CXCL13: variants seen among roughly 807,000 people sequenced by gnomAD.
CXCL13 encodes C-X-C motif chemokine 13.
CXCL13 carries 7 observed loss-of-function variants against 12.2 expected under a neutral mutation model. That is an observed-to-expected ratio of 0.57 (90% CI 0.33 to 1.07). The LOEUF (loss-of-function observed/expected upper bound fraction) is 1.07. Ranked by LOEUF, CXCL13 falls within the 50% of genes least tolerant of loss-of-function variation. The pLI, the probability that CXCL13 is intolerant of heterozygous loss-of-function variation, is 0.04. For missense variants in CXCL13, 113 were observed against 127.4 expected (o/e 0.89, Z 0.55); for synonymous variants, 47 against 42.4 (o/e 1.11, Z -0.42).
intron 1 of CXCL13, among the ~76,000 whole-genome samples, chr4:77,580,737 C>T (rs3098857): frequency 0.22 from 19,986 of 92,294 alleles, 2,436 homozygotes; most frequent in South Asian, 0.31. Context: ...TCCCCCTCTC[C>T]TCCCCTGTCT....
chr4:77,564,593 C>T (rs534631704), intron 1 of CXCL13, among the ~76,000 whole-genome samples: 25 of 152,302 alleles, frequency 1.6e-4, no homozygotes, highest in African/African-American at 5.8e-4. Context: ...TGACAACAAC[C>T]CTTTAAGGCA....
chr4:77,547,874 T>C (rs1315630326), intron 1 of CXCL13, among the ~76,000 whole-genome samples: 1 of 152,016 alleles, frequency 6.6e-6, no homozygotes, highest in Non-Finnish European at 1.5e-5. Flanking sequence ...CTGGTACAGG[T>C]TTTTCCTTTC....
chr4:77,560,840 C>T (rs1725793951), intron 1 of CXCL13, among the ~76,000 whole-genome samples: 2 of 152,040 alleles, frequency 1.3e-5, no homozygotes, highest in Admixed American at 6.5e-5. Context: ...AGTGATATGC[C>T]CTTGGGCTCT....
intron 2 of CXCL13, among the ~76,000 whole-genome samples, chr4:77,609,592 G>T (rs150542044): frequency 0.014 from 2,172 of 152,280 alleles, 34 homozygotes; most frequent in Admixed American, 0.041. Flanking sequence ...ACAGGCATGA[G>T]CTACCATGCT....
At chr4:77,511,993 C>A (rs952607993) in intron 1 of CXCL13, among the ~76,000 whole-genome samples, 1 of 152,164 alleles carries the variant, frequency 6.6e-6, no homozygotes, top group African/African-American at 2.4e-5. Context: ...AGCACTGTGC[C>A]ATGGAGCACC....
In CXCL13 at chr4:77,578,914, A is replaced by G. The variant is rs58640391; in HGVS notation, c.-42-26910A>G. ...CTCTCCTGCAACTGAATATGGCTTGATAACTACATCTGGCCAGTAAGATGT... is the reference window on the plus strand; with the variant it reads ...CTCTCCTGCAACTGAATATGGCTTGGTAACTACATCTGGCCAGTAAGATGT... On this transcript the variant is annotated intron_variant, in intron 1 of 4. Transcript: ENST00000286758. 8.5e-3 allele frequency among the ~76,000 whole-genome samples: 1,298 copies of G among 152,328 alleles called. 11 individuals are homozygous for G. The highest frequency in any genetic ancestry group is 0.029 in the African/African-American group (1,224 of 41,572).
chr4:77,599,104 C>T (rs547220696), intron 1 of CXCL13, among the ~76,000 whole-genome samples: 3 of 151,996 alleles, frequency 2.0e-5, no homozygotes, highest in South Asian at 2.1e-4. Context: ...CCACCGCACC[C>T]GGCCAGCCCC....
At chr4:77,532,966 T>G (rs1724966511) in intron 1 of CXCL13, among the ~76,000 whole-genome samples, 1 of 152,204 alleles carries the variant, frequency 6.6e-6, no homozygotes, top group Admixed American at 6.5e-5. Flanking sequence ...TTTAACTTCT[T>G]TGCCATGGGT....
chr4:77,582,053 T>C (rs1310674879), intron 1 of CXCL13, among the ~76,000 whole-genome samples: 1 of 151,724 alleles, frequency 6.6e-6, no homozygotes, highest in Non-Finnish European at 1.5e-5. Flanking sequence ...CTGGAAAACA[T>C]AGAAAAAAAT....
At chr4:77,553,098 T>C (rs1209353938) in intron 1 of CXCL13, among the ~76,000 whole-genome samples, 1 of 152,154 alleles carries the variant, frequency 6.6e-6, no homozygotes, top group Non-Finnish European at 1.5e-5. Flanking sequence ...GGGTAGCAGA[T>C]TGGTGTACCC....
chr4:77,560,201 A>T (rs760568346), intron 1 of CXCL13, among the ~76,000 whole-genome samples: 8 of 152,190 alleles, frequency 5.3e-5, no homozygotes, highest in Non-Finnish European at 1.2e-4. Flanking sequence ...CATCACTTCA[A>T]TTCTATTTTG....
At chr4:77,598,380 C>A (rs1474319838) in intron 1 of CXCL13, among the ~76,000 whole-genome samples, 3 of 152,168 alleles carry the variant, frequency 2.0e-5, no homozygotes, top group Non-Finnish European at 2.9e-5. Context: ...TGAAAGATAA[C>A]CATTCCATCC....
rs1347961389 is a variant in CXCL13 at position 77,605,905 on chromosome 4, G to C, written c.40G>C (p.Val14Leu). 6.2e-7 allele frequency: 1 copy of C among 1,605,652 alleles called. No homozygotes were observed. Among genetic ancestry groups the C allele is most frequent in the Non-Finnish European group, 8.5e-7 (1 of 1,174,450 alleles). The part of the protein sequence containing the change: ...ISTSLLLMLL[V>L]SSLSPVQGVL... ...GACATCTCTGCTTCTCATGCTGCTG[G>C]TCAGCAGCCTCTCTCCAGTCCAAGG... Residue 14 changes from valine (V) to leucine (L), a missense_variant, in exon 1 of 4, where the codon GTC becomes CTC. Coordinates refer to ENST00000682537, the MANE Select transcript of CXCL13 (RefSeq NM_001371558.1).
chr4:77,609,363 A>G (rs1727092215), intron 2 of CXCL13, among the ~76,000 whole-genome samples: 1 of 151,762 alleles, frequency 6.6e-6, no homozygotes, highest in African/African-American at 2.4e-5. Context: ...CCCAGGCTGG[A>G]GTGCAGTGGC....
rs140951543 is a variant in CXCL13 at position 77,544,017 on chromosome 4, G to A, written c.-43+32229G>A. 4.4e-3 allele frequency among the ~76,000 whole-genome samples: 662 copies of A among 152,176 alleles called. 13 individuals carry two copies. Among genetic ancestry groups the A allele is most frequent in the East Asian group, 0.026 (137 of 5,180 alleles). On this transcript the variant is annotated intron_variant, in intron 1 of 4. Transcript: ENST00000286758. ...ATGGTGTTTGGTTTTCTGTCCTTGC[G>A]ATATTTTGCGAGAATGATGGTTTCC...
At position 77,580,395 on chromosome 4, in the gene CXCL13, T is replaced by C. The variant is rs1481442166; in HGVS notation, c.-42-25429T>C. On this transcript the variant is annotated intron_variant, in intron 1 of 4. Transcript: ENST00000286758. ...AGGCTGGAGTGCAGTGGTGCAATCT[T>C]GGCTCACTGCAACCTCTGCCTCCCG... 1.7e-4 allele frequency among the ~76,000 whole-genome samples: 23 copies of C among 136,786 alleles called. No individual in the cohort carries two copies. In the Admixed American group the frequency reaches 1.8e-3, roughly 10 times the overall value. The allele number at this position is 136,786 out of a possible 152,430, so 89.7% of individuals were successfully genotyped here.
intron 1 of CXCL13, among the ~76,000 whole-genome samples, chr4:77,538,423 CTTT>C (rs80263344): frequency 9.7e-5 from 12 of 124,160 alleles, no homozygotes; most frequent in East Asian, 2.4e-4. Flanking sequence ...AATGTCTTGT[CTTT>C]TTTTTTTTTT....
At chr4:77,591,570 A>AAT (rs1213521951) in intron 1 of CXCL13, among the ~76,000 whole-genome samples, 1 of 151,886 alleles carries the variant, frequency 6.6e-6, no homozygotes, top group African/African-American at 2.4e-5. Context: ...AAAAAAAAAA[A>AAT]AAAGTTTCTC....
intron 1 of CXCL13, among the ~76,000 whole-genome samples, chr4:77,516,933 T>A (rs1438771758): frequency 6.6e-6 from 1 of 152,232 alleles, no homozygotes; most frequent in African/African-American, 2.4e-5. Context: ...TGCTTTCTCT[T>A]GTGGGCATTT....
Sources: allele counts gnomAD v4.1 joint callset (sites outside exome capture counted in the v4.1 genomes callset), GRCh38; gene constraint gnomAD v4.1.1; transcripts MANE v1.5; gene names NCBI Gene and HGNC (gene_info 2026-07-23, HGNC 2026-07-21).